Variants in PHACTR1 observed in about 807,000 individuals in gnomAD.
PHACTR1 encodes RPEL repeat containing 1.
A neutral mutation model predicts 69.2 loss-of-function variants in PHACTR1; 16 were observed. That is an observed-to-expected ratio of 0.23 (90% CI 0.16 to 0.35). The LOEUF (loss-of-function observed/expected upper bound fraction) is 0.35. PHACTR1 is among the 10% of genes least tolerant of loss of function. The probability of loss-of-function intolerance (pLI) is 1.00; values close to 1 mark genes in which losing one functional copy is unlikely to be tolerated. For synonymous variants in PHACTR1, 312 were observed against 284.5 expected (o/e 1.10, Z -0.97); for missense variants, 510 against 734.7 (o/e 0.69, Z 3.54).
intron 4 of PHACTR1, among the ~76,000 whole-genome samples, chr6:12,975,901 G>A (rs534874599): frequency 8.5e-5 from 13 of 152,294 alleles, no homozygotes; most frequent in African/African-American, 2.9e-4. Context: ...TTCTTTAAAT[G>A]CACCAGCCAG....
In PHACTR1 at chr6:13,187,871, G is replaced by T. The variant is rs142214612; in HGVS notation, c.664+5185G>T. 3.5e-4 allele frequency among the ~76,000 whole-genome samples: 53 copies of T among 152,314 alleles called. 1 individual carries two copies. In the East Asian group the frequency reaches 9.1e-3, roughly 26 times the overall value. Reference sequence around the variant, plus strand: ...AGAGAGAGAGCAAACCAGTAGATATGACATTGTAAAAAGAAGAGTCAGCAG... The same window carrying T: ...AGAGAGAGAGCAAACCAGTAGATATTACATTGTAAAAAGAAGAGTCAGCAG... On this transcript the variant is annotated intron_variant, in intron 7 of 14. Transcript: ENST00000332995.
At chr6:12,727,259 G>T (rs767884337) in intron 3 of PHACTR1, among the ~76,000 whole-genome samples, 1 of 152,160 alleles carries the variant, frequency 6.6e-6, no homozygotes, top group Non-Finnish European at 1.5e-5. Flanking sequence ...GAGAGAAAAA[G>T]TATCGTGGAG....
chr6:12,762,199 G>A (rs148690457), intron 4 of PHACTR1, among the ~76,000 whole-genome samples: 6 of 152,212 alleles, frequency 3.9e-5, no homozygotes, highest in Admixed American at 6.5e-5. Context: ...GGGTTTTTAC[G>A]TATTTATTTA....
intron 4 of PHACTR1, among the ~76,000 whole-genome samples, chr6:12,756,363 A>G (rs1007083430): frequency 2.0e-5 from 3 of 152,106 alleles, no homozygotes; most frequent in Non-Finnish European, 1.5e-5. Context: ...CACTTTCCTT[A>G]CCCACTTTGG....
chr6:12,980,637 G>A (rs1181028609), intron 4 of PHACTR1, among the ~76,000 whole-genome samples: 3 of 151,774 alleles, frequency 2.0e-5, no homozygotes, highest in South Asian at 2.1e-4. Flanking sequence ...GTGGCAAGGA[G>A]GATAGGATGG....
At chr6:13,258,433 G>A (rs1388543584) in intron 10 of PHACTR1, among the ~76,000 whole-genome samples, 1 of 152,058 alleles carries the variant, frequency 6.6e-6, no homozygotes, top group African/African-American at 2.4e-5. Context: ...TGTGGCCCAG[G>A]TTTAAGGTAA....
chr6:13,216,772 T>C (rs1368207061), intron 8 of PHACTR1, among the ~76,000 whole-genome samples: 1 of 152,226 alleles, frequency 6.6e-6, no homozygotes, highest in Non-Finnish European at 1.5e-5. Context: ...ATGATGTGGT[T>C]TTAGTGCAAA....
At chr6:12,827,315 G>A (rs1389322782) in intron 4 of PHACTR1, among the ~76,000 whole-genome samples, 1 of 152,148 alleles carries the variant, frequency 6.6e-6, no homozygotes, top group African/African-American at 2.4e-5. Flanking sequence ...CAAATCCATT[G>A]CAAAAATGAT....
intron 5 of PHACTR1, among the ~76,000 whole-genome samples, chr6:13,070,814 AAAAAC>A (rs1809394859): frequency 6.6e-6 from 1 of 152,082 alleles, no homozygotes; most frequent in Admixed American, 6.6e-5. Flanking sequence ...CCTGCTTAAA[AAAAAC>A]AAAACAAAAC....
chr6:12,783,083 G>A (rs1238533772), intron 4 of PHACTR1, among the ~76,000 whole-genome samples: 6 of 152,144 alleles, frequency 3.9e-5, no homozygotes, highest in South Asian at 2.1e-4. Context: ...TTAGGAGAAC[G>A]TCTGAGCTGT....
intron 4 of PHACTR1, among the ~76,000 whole-genome samples, chr6:12,797,038 T>A (rs59617962): frequency 0.42 from 50,815 of 119,928 alleles, 9,482 homozygotes; most frequent in African/African-American, 0.55. Flanking sequence ...TGTGTGTGTG[T>A]GTGAGAGAGA....
intron 4 of PHACTR1, among the ~76,000 whole-genome samples, chr6:12,827,310 C>A (rs923741961): frequency 2.6e-5 from 4 of 152,130 alleles, no homozygotes; most frequent in Non-Finnish European, 4.4e-5. Context: ...GGTCACAAAT[C>A]CATTGCAAAA....
intron 3 of PHACTR1, chr6:12,749,433 T>C (rs1386579434): frequency 3.4e-6 from 2 of 583,540 alleles, no homozygotes; most frequent in Non-Finnish European, 6.7e-6. Context: ...CGGATTTTCT[T>C]TCTCTCCCTT....
At chr6:12,841,734 A>G (rs1359610989) in intron 4 of PHACTR1, among the ~76,000 whole-genome samples, 9 of 152,226 alleles carry the variant, frequency 5.9e-5, no homozygotes, top group African/African-American at 1.9e-4. Flanking sequence ...TAAACAATTG[A>G]AAGAGTTGGC....
chr6:13,219,964 T>C (rs1290963506), intron 8 of PHACTR1, among the ~76,000 whole-genome samples: 1 of 152,186 alleles, frequency 6.6e-6, no homozygotes, highest in Admixed American at 6.5e-5. Flanking sequence ...CTGTGATCAC[T>C]GCCGAGTGAT....
At chr6:13,167,703 A>G (rs190468181) in intron 6 of PHACTR1, among the ~76,000 whole-genome samples, 78 of 152,348 alleles carry the variant, frequency 5.1e-4, no homozygotes, top group African/African-American at 1.6e-3. Flanking sequence ...TAGAGATAAC[A>G]TGCCACAGCA....
intron 10 of PHACTR1, among the ~76,000 whole-genome samples, chr6:13,242,053 A>G (rs968058259): frequency 6.6e-6 from 1 of 151,966 alleles, no homozygotes; most frequent in Non-Finnish European, 1.5e-5. Flanking sequence ...AAAAAAAAAA[A>G]AAGGAATAAG....
intron 3 of PHACTR1, among the ~76,000 whole-genome samples, chr6:12,749,074 A>G (rs963121827): frequency 1.3e-5 from 2 of 152,216 alleles, no homozygotes; most frequent in Admixed American, 6.5e-5. Flanking sequence ...CAGCGGGACC[A>G]GGGCTTGCAC....
chr6:13,168,807 AG>A (rs765766845), intron 6 of PHACTR1, among the ~76,000 whole-genome samples: 41 of 152,248 alleles, frequency 2.7e-4, no homozygotes, highest in Admixed American at 9.2e-4. Flanking sequence ...AATGAAGAGA[AG>A]GGGTAAGAGT....
Sources: allele counts gnomAD v4.1 joint callset (sites outside exome capture counted in the v4.1 genomes callset), GRCh38; gene constraint gnomAD v4.1.1; transcripts MANE v1.5; gene names NCBI Gene and HGNC (gene_info 2026-07-23, HGNC 2026-07-21).